The following ASL variants were observed in gnomAD, a reference collection of about 807,000 sequenced individuals.
ASL encodes the protein argininosuccinase.
A neutral mutation model predicts 69.1 loss-of-function variants in ASL; 51 were observed. That is an observed-to-expected ratio of 0.74 (90% confidence interval 0.59 to 0.93). The LOEUF (loss-of-function observed/expected upper bound fraction) is 0.93. Among genes scored for constraint, ASL ranks in the 40% least tolerant of loss-of-function variants. The probability of loss-of-function intolerance (pLI) is 0.00; values close to 1 mark genes in which losing one functional copy is unlikely to be tolerated. For synonymous variants in ASL, 241 were observed against 247.6 expected, an observed-to-expected ratio of 0.97 and a Z score of 0.25; for missense variants, 540 against 623.9, an observed-to-expected ratio of 0.87 and a Z score of 1.43.
intron 2 of ASL, among the ~76,000 whole-genome samples, chr7:66,081,055 C>T (rs1240142513): frequency 6.6e-6 from 1 of 152,232 alleles, no homozygotes; most frequent in Non-Finnish European, 1.5e-5. Flanking sequence ...TGCTGGGCCG[C>T]AGCCCTGGCT....
At chr7:66,081,777 C>G in intron 2 of ASL, 26 bp from the exon 3 acceptor site, 1 of 1,608,852 alleles carries the variant, frequency 6.2e-7, no homozygotes, top group Non-Finnish European at 8.5e-7. Context: ...GGAGGAGAGA[C>G]TAATTGTTCT....
chr7:66,088,747 T>C, intron 10 of ASL, 60 bp from the exon 11 acceptor site: 1 of 1,452,476 alleles, frequency 6.9e-7, no homozygotes. Context: ...TCCTGCCCCC[T>C]GTATGGTCAG....
intron 6 of ASL, among the ~76,000 whole-genome samples, chr7:66,085,087 G>T (rs1303969443): frequency 6.6e-6 from 1 of 152,180 alleles, no homozygotes; most frequent in Admixed American, 6.6e-5. Context: ...ATGGGGTGAT[G>T]AAAATGTTCT....
At chr7:66,076,585 C>A (rs1229462591) in intron 2 of ASL, among the ~76,000 whole-genome samples, 1 of 152,186 alleles carries the variant, frequency 6.6e-6, no homozygotes, top group Admixed American at 6.5e-5. Flanking sequence ...GACGTCGCCT[C>A]GTGGCTCCAG....
intron 14 of ASL, among the ~76,000 whole-genome samples, chr7:66,089,928 C>T (rs1476870251): frequency 2.0e-5 from 3 of 152,126 alleles, no homozygotes; most frequent in Non-Finnish European, 4.4e-5. Flanking sequence ...CTGACCAGAA[C>T]TCTTTAAAAA....
At chr7:66,092,692 C>A in intron 16 of ASL, 29 bp downstream of exon 16, 1 of 1,613,586 alleles carries the variant, frequency 6.2e-7, no homozygotes, top group Non-Finnish European at 8.5e-7. Context: ...CCCATGCTGC[C>A]TCCTAGGAAG....
At position 66,092,095 on chromosome 7, in the gene ASL, G is replaced by T; in HGVS notation, c.1143+9G>T. On this transcript the variant is annotated intron_variant, in intron 15 of 16. Coordinates refer to ENST00000304874, the MANE Select transcript of ASL (RefSeq NM_000048.4). ...ACCTGGTCCGCAAAGGGGTAAGTGTGTAGCAGCCAGGGGGAGGGTGAGGAG... is the reference window on the plus strand; with the variant it reads ...ACCTGGTCCGCAAAGGGGTAAGTGTTTAGCAGCCAGGGGGAGGGTGAGGAG... 1.9e-6 allele frequency: 3 copies of T among 1,610,164 alleles called. No individual in the cohort carries two copies. The highest frequency in any genetic ancestry group is 2.2e-5 in the South Asian group (2 of 91,076).
rs770375565 is a variant in ASL at position 66,082,880 on chromosome 7, G to T, written c.292G>T (p.Glu98Ter). The T allele has an allele frequency of 5.6e-6, 9 of 1,613,688 alleles. No individual in the cohort carries two copies. The highest frequency in any genetic ancestry group is 7.6e-6 in the Non-Finnish European group (9 of 1,180,000). ...ACCCTGGGTCTCCCTTCACCTCCAG[G>T]AGCTCATTGGTGCAACGGCAGGGAA... ...IHTANERRLKELIGATAGKLH... is the reference protein window; with the variant it reads ...IHTANERRLK The change falls in exon 5 of 17, where the codon GAG becomes TAG. Residue 98 changes from glutamate (E) to a stop codon, truncating the protein, a stop_gained and splice_region_variant. Transcript: ENST00000304874. LOFTEE classifies it high-confidence loss of function.
intron 2 of ASL, among the ~76,000 whole-genome samples, chr7:66,078,214 A>G (rs1039803004): frequency 6.6e-6 from 1 of 152,140 alleles, no homozygotes; most frequent in African/African-American, 2.4e-5. Flanking sequence ...GCTGGCCCCA[A>G]TTCTGACTGG....
intron 1 of ASL, 90 bp from the exon 2 acceptor site, chr7:66,075,949 C>G: frequency 8.3e-7 from 1 of 1,203,704 alleles, no homozygotes; most frequent in Non-Finnish European, 1.2e-6. Flanking sequence ...GGGCTGCGCT[C>G]CCTCAAGCGC....
rs199560936 is a variant in ASL at position 66,092,307 on chromosome 7, A to G, written c.1143+221A>G. Among the ~76,000 whole-genome samples, 13 of 152,010 alleles carry G rather than the reference A, an allele frequency of 8.6e-5. No individual in the cohort carries two copies. In the East Asian group the frequency reaches 1.9e-3, roughly 23 times the overall value. ...TCTCTTTTGATGTAAAAATACAACA[A>G]TTAGCTGGGTGTGGTGGCACACTCC... On this transcript the variant is annotated intron_variant, in intron 15 of 16. Coordinates refer to ENST00000304874, the MANE Select transcript of ASL (RefSeq NM_000048.4).
chr7:66,089,784 T>G (rs1584033108), intron 14 of ASL, 89 bp downstream of exon 14: 2 of 1,436,076 alleles, frequency 1.4e-6, no homozygotes, highest in Non-Finnish European at 9.6e-7. Context: ...GGAGGTGAGG[T>G]GGGGCTGGAG....
intron 5 of ASL, 60 bp from the exon 6 acceptor site, chr7:66,083,017 C>T (rs1786555325): frequency 6.2e-7 from 1 of 1,611,700 alleles, no homozygotes; most frequent in Non-Finnish European, 8.5e-7. Context: ...CTGCAGCGGT[C>T]CTGGCTCCTC....
chr7:66,082,767 C>G (rs954710659), intron 4 of ASL, 113 bp from the exon 5 acceptor site: 2 of 1,310,510 alleles, frequency 1.5e-6, no homozygotes, highest in Non-Finnish European at 2.2e-6. Flanking sequence ...GGGGAGGACC[C>G]GGAGCCCTGG....
rs1172967580 is a variant in ASL at position 66,093,055 on chromosome 7, G to C, written c.*143G>C. ...GGGACTGGAGAGGCAGGGCAGGGTG[G>C]CCTGTAATCCCAGCACTTTGGAAGG... On this transcript the variant is annotated 3_prime_UTR_variant, in exon 17 of 17. Transcript: ENST00000304874. The C allele has an allele frequency of 2.9e-6, 4 of 1,379,304 alleles. No individual in the cohort carries two copies. The highest frequency in any genetic ancestry group is 4.0e-6 in the Non-Finnish European group (4 of 1,011,960). 85.4% of individuals were successfully genotyped at this position (1,379,304 alleles called of 1,614,324 possible). A position where few individuals can be genotyped will look rare whatever the true frequency, so the allele number is the denominator to read the frequency against.
intron 4 of ASL, 36 bp from the exon 5 acceptor site, chr7:66,082,844 T>C: frequency 6.2e-7 from 1 of 1,611,888 alleles, no homozygotes; most frequent in Non-Finnish European, 8.5e-7. Context: ...CCTCTGGGGG[T>C]ATAGACCGTG....
chr7:66,086,923 C>G (rs777116121), intron 8 of ASL, 102 bp downstream of exon 8: 3 of 1,349,302 alleles, frequency 2.2e-6, no homozygotes, highest in South Asian at 2.6e-5. Context: ...AGAAAACCGC[C>G]TTATCTGCTC....
At chr7:66,089,779 T>G in intron 14 of ASL, 84 bp downstream of exon 14, 1 of 1,466,754 alleles carries the variant, frequency 6.8e-7, no homozygotes. Flanking sequence ...TGGGAGGAGG[T>G]GAGGTGGGGC....
chr7:66,087,893 T>A, intron 10 of ASL, 102 bp downstream of exon 10: 1 of 1,460,208 alleles, frequency 6.8e-7, no homozygotes, highest in Non-Finnish European at 9.5e-7. Context: ...AGGCTGGTTG[T>A]GGTGATATTG....
Sources: gnomAD v4.1 joint callset for allele counts (sites outside exome capture counted in the v4.1 genomes callset) on GRCh38, gnomAD v4.1.1 for gene constraint, MANE v1.5 for transcripts, NCBI Gene and HGNC (gene_info 2026-07-23, HGNC 2026-07-21) for gene names.